RBBP8: variants seen among roughly 807,000 people sequenced by gnomAD.
The protein encoded by RBBP8 is DNA endonuclease RBBP8.
A neutral mutation model predicts 108.3 loss-of-function variants in RBBP8; 88 were observed. The observed-to-expected ratio is 0.81, with a 90% CI of 0.68 to 0.97. RBBP8 has a LOEUF of 0.97. RBBP8 is among the 50% of genes least tolerant of loss of function. The pLI, the probability that RBBP8 is intolerant of heterozygous loss-of-function variation, is 0.00. For missense variants in RBBP8, 1,023 were observed against 1,049.0 expected (o/e 0.98, Z 0.34); for synonymous variants, 332 against 348.2 (o/e 0.95, Z 0.52).
At chr18:23,020,344 C>G (rs1704221340) in intron 17 of RBBP8, among the ~76,000 whole-genome samples, 1 of 151,838 alleles carries the variant, frequency 6.6e-6, no homozygotes, top group Non-Finnish European at 1.5e-5. Flanking sequence ...TCACTTGAAC[C>G]CAGGAGGCAG....
intron 1 of RBBP8, among the ~76,000 whole-genome samples, chr18:22,935,696 T>C (rs1416521132): frequency 1.3e-5 from 2 of 152,224 alleles, no homozygotes; most frequent in African/African-American, 4.8e-5. Context: ...TGCTGATCAC[T>C]ATTACTTTTT....
chr18:22,945,249 A>G (rs1911449882), intron 2 of RBBP8, among the ~76,000 whole-genome samples: 1 of 152,216 alleles, frequency 6.6e-6, no homozygotes, highest in Non-Finnish European at 1.5e-5. Flanking sequence ...CCTTTATGTT[A>G]ATCACATTGC....
chr18:22,947,849 T>G (rs1016068801), intron 3 of RBBP8, among the ~76,000 whole-genome samples: 20 of 152,106 alleles, frequency 1.3e-4, no homozygotes, highest in Non-Finnish European at 4.4e-5. Context: ...AATATTTTAT[T>G]AAGTAATTGA....
rs923784465 is a variant in RBBP8, at chr18:22,999,819, A to G, written c.2144-1767A>G. Among the ~76,000 whole-genome samples, 3 of 152,304 alleles carry G rather than the reference A, an allele frequency of 2.0e-5. No individual in the cohort carries two copies. The East Asian group carries it at 5.8e-4, about 29-fold the overall frequency. Reference sequence around the variant, plus strand: ...TGCTGTGACAGAAAGATCAACAAGGATATACTCTCTGTCTTCAGGTATTTC... The same window carrying G: ...TGCTGTGACAGAAAGATCAACAAGGGTATACTCTCTGTCTTCAGGTATTTC... On this transcript the variant is annotated intron_variant, in intron 14 of 18. Coordinates refer to ENST00000327155, the MANE Select transcript of RBBP8 (RefSeq NM_002894.3).
rs1286714288 is a variant in RBBP8, at chr18:22,963,922, TA to T, written c.249-4876del. 6.6e-5 allele frequency among the ~76,000 whole-genome samples: 10 copies of T among 152,026 alleles called. No homozygotes were observed. The South Asian group carries it at 1.5e-3, about 22-fold the overall frequency. ...AAAAAAAGAGTACCATTGTCATGCT[TA>T]AAAAAAATTAATGATAGGAAGCAAA... On this transcript the variant is annotated intron_variant, in intron 4 of 18. Transcript: ENST00000327155.
chr18:23,022,663 T>TAAAATAAAATAA (rs1555650172), intron 18 of RBBP8, among the ~76,000 whole-genome samples: 3 of 99,742 alleles, frequency 3.0e-5, no homozygotes, highest in Non-Finnish European at 7.1e-5. Flanking sequence ...TAAAATAAAA[T>TAAAATAAAATAA]AAAATAAATA....
At chr18:23,024,131 C>A (rs971647281) in intron 18 of RBBP8, among the ~76,000 whole-genome samples, 1 of 150,934 alleles carries the variant, frequency 6.6e-6, no homozygotes, top group Admixed American at 6.6e-5. Context: ...GTGATCCACC[C>A]GCCTCAGCCT....
intron 1 of RBBP8, among the ~76,000 whole-genome samples, chr18:22,935,336 T>G (rs1337584135): frequency 6.6e-6 from 1 of 150,536 alleles, no homozygotes; most frequent in Non-Finnish European, 1.5e-5. Flanking sequence ...GTATATCCCT[T>G]TACCTGTAAA....
In RBBP8 at chr18:23,022,263, G is replaced by A. The variant is rs1374603584; in HGVS notation, c.2589G>A (p.Met863Ile). 1 of 1,609,422 alleles carries A rather than the reference G, an allele frequency of 6.2e-7. No homozygotes were observed. Among genetic ancestry groups the A allele is most frequent in the African/African-American group, 1.3e-5 (1 of 74,876 alleles). ...EVGFPSTQTC[M>I]ERGYIKEDLD... ...GTTTTCCTTCCACTCAGACTTGTAT[G>A]GAAAGAGGTGAGAGTATAGATTGTA... The change falls in exon 18 of 19, where the codon ATG (methionine) becomes ATA (isoleucine). Residue 863 changes from methionine (M) to isoleucine (I), a missense_variant. Coordinates refer to ENST00000327155, the MANE Select transcript of RBBP8 (RefSeq NM_002894.3).
chr18:22,933,377 G>C lies in RBBP8; in HGVS notation c.-286G>C, dbSNP rs375377861. On this transcript the variant is annotated 5_prime_UTR_variant, in exon 1 of 19. Coordinates refer to ENST00000327155, the MANE Select transcript of RBBP8 (RefSeq NM_002894.3). ...GCGGGGCGGGTCCGGCCGCCTCCGA[G>C]CCCGGCCGGCAGCCCCCGGCCTTAA... 6.5e-6 allele frequency: 1 copy of C among 153,086 alleles called. No individual in the cohort carries two copies. The highest frequency in any genetic ancestry group is 2.1e-4 in the South Asian group (1 of 4,848). 9.5% of individuals were successfully genotyped at this position (153,086 alleles called of 1,614,324 possible).
chr18:22,914,483 G>A (rs914514530), intron 1 of RBBP8, among the ~76,000 whole-genome samples: 1 of 152,114 alleles, frequency 6.6e-6, no homozygotes, highest in African/African-American at 2.4e-5. Context: ...TTTGCATAAA[G>A]GTTATTTGGT....
Position 22,982,067 on chromosome 18 carries a change from G to T in RBBP8, c.429-151G>T, listed in dbSNP as rs567193499. ...TTCCCACTGGGTACTGTAATCATTC[G>T]TGTACTTATCTACTTAGGTTTGGAA... On this transcript the variant is annotated intron_variant, in intron 6 of 18. Coordinates refer to ENST00000327155, the MANE Select transcript of RBBP8 (RefSeq NM_002894.3). 4.7e-6 allele frequency: 4 copies of T among 853,580 alleles called. No homozygotes were observed. In the South Asian group the frequency reaches 4.8e-5, roughly 10 times the overall value. 52.9% of individuals were successfully genotyped at this position (853,580 alleles called of 1,614,324 possible). A position where few individuals can be genotyped will look rare whatever the true frequency, so the allele number is the denominator to read the frequency against.
At position 22,915,816 on chromosome 18, in the gene RBBP8, AT is replaced by A. The variant is rs551992913; in HGVS notation, c.-240+337del. ...TGGGATTCTAATTTATTTATTGAGC[AT>A]TTTTTATGTTTATGGTTTTGAAGAA... On this transcript the variant is annotated intron_variant, in intron 2 of 4. Coordinates refer to the RBBP8 transcript ENST00000577588. Among the ~76,000 whole-genome samples, 1,154 of 152,156 alleles carry A rather than the reference AT, an allele frequency of 7.6e-3. 16 individuals are homozygous for A. The highest frequency in any genetic ancestry group is 0.027 in the African/African-American group (1,110 of 41,542).
rs748294904 is a variant in RBBP8, at chr18:23,016,901, C to T, written c.2431C>T (p.His811Tyr). 4 of 1,613,350 alleles carry T rather than the reference C, an allele frequency of 2.5e-6. No homozygotes were observed. The highest frequency in any genetic ancestry group is 1.3e-5 in the African/African-American group (1 of 74,876). Reference protein sequence around the residue: ...KKEERRKLLGHTCKECEIYYA... With the variant: ...KKEERRKLLGYTCKECEIYYA... ...AGAGGAGAGAAGAAAACTGCTTGGG[C>T]ACACGTGTAAGGAATGTGAAATTGT... is the stretch of plus-strand genomic sequence containing the variant. Residue 811 changes from histidine (H) to tyrosine (Y), a missense_variant, in exon 17 of 19, where the codon CAC (histidine) becomes TAC (tyrosine). Transcript: ENST00000327155.
At chr18:22,924,587 A>C (rs913740529) in intron 3 of RBBP8, among the ~76,000 whole-genome samples, 1 of 152,008 alleles carries the variant, frequency 6.6e-6, no homozygotes, top group East Asian at 1.9e-4. Flanking sequence ...TACCTGGCTA[A>C]TTTGTTTTTA....
At chr18:23,001,491 T>G in intron 14 of RBBP8, 95 bp from the exon 15 acceptor site, 2 of 1,383,898 alleles carry the variant, frequency 1.4e-6, no homozygotes, top group Non-Finnish European at 2.1e-6. Flanking sequence ...AAGGACTGCA[T>G]TCTGTTATTG....
At chr18:22,986,466 C>T (rs1915332483) in intron 8 of RBBP8, among the ~76,000 whole-genome samples, 1 of 152,116 alleles carries the variant, frequency 6.6e-6, no homozygotes, top group Non-Finnish European at 1.5e-5. Flanking sequence ...GTGGAAAGAG[C>T]ACACACAAAC....
intron 1 of RBBP8, among the ~76,000 whole-genome samples, chr18:22,936,098 A>G (rs1385599988): frequency 6.6e-6 from 1 of 151,908 alleles, no homozygotes; most frequent in Non-Finnish European, 1.5e-5. Context: ...TTCAAAAGTT[A>G]AAAAAACCAA....
chr18:23,005,748 T>C (rs991863063), intron 15 of RBBP8, among the ~76,000 whole-genome samples: 1 of 152,190 alleles, frequency 6.6e-6, no homozygotes, highest in African/African-American at 2.4e-5. Flanking sequence ...TGTTGTTCTT[T>C]CTTGTCAAAT....
Sources: gnomAD v4.1 joint callset for allele counts (sites outside exome capture counted in the v4.1 genomes callset) on GRCh38, gnomAD v4.1.1 for gene constraint, MANE v1.5 for transcripts, NCBI Gene and HGNC (gene_info 2026-07-23, HGNC 2026-07-21) for gene names.